The following GPC6 variants were observed in gnomAD, a reference collection of about 807,000 sequenced individuals.
The protein encoded by GPC6 is glypican-6.
GPC6 carries 14 observed loss-of-function variants against 55.2 expected under a neutral mutation model. The observed-to-expected ratio is 0.25, with a 90% confidence interval of 0.17 to 0.40. GPC6 has a LOEUF of 0.40. GPC6 is among the 10% of genes least tolerant of loss of function. The pLI, the probability that GPC6 is intolerant of heterozygous loss-of-function variation, is 1.00. For synonymous variants in GPC6, 278 were observed against 259.6 expected, an observed-to-expected ratio of 1.07 and a Z score of -0.68; for missense variants, 641 against 708.5, an observed-to-expected ratio of 0.90 and a Z score of 1.08.
intron 2 of GPC6, among the ~76,000 whole-genome samples, chr13:93,810,872 A>G (rs1432571411): frequency 6.6e-6 from 1 of 152,182 alleles, no homozygotes; most frequent in East Asian, 1.9e-4. Context: ...TTACTTACAT[A>G]GTTTTGATAA....
chr13:93,714,309 T>TTAGG (rs1883175114), intron 2 of GPC6, among the ~76,000 whole-genome samples: 1 of 151,470 alleles, frequency 6.6e-6, no homozygotes. Flanking sequence ...GAAGACATAA[T>TTAGG]CAGCCAACAA....
intron 2 of GPC6, among the ~76,000 whole-genome samples, chr13:93,586,667 G>A (rs1400724154): frequency 6.6e-6 from 1 of 152,102 alleles, no homozygotes; most frequent in East Asian, 1.9e-4. Context: ...AAAACCCTGG[G>A]AGACAACCTA....
chr13:93,508,585 T>C (rs750383315), intron 1 of GPC6, among the ~76,000 whole-genome samples: 1 of 152,248 alleles, frequency 6.6e-6, no homozygotes, highest in Non-Finnish European at 1.5e-5. Context: ...ATTTTACTTA[T>C]GTATTAACAA....
At chr13:93,861,617 G>A (rs377700675) in intron 3 of GPC6, among the ~76,000 whole-genome samples, 1 of 151,504 alleles carries the variant, frequency 6.6e-6, no homozygotes, top group East Asian at 2.0e-4. Context: ...ACCCTTGAAA[G>A]GTTTTGCTTT....
At chr13:93,931,473 G>T (rs1399380367) in intron 3 of GPC6, among the ~76,000 whole-genome samples, 1 of 151,266 alleles carries the variant, frequency 6.6e-6, no homozygotes, top group Non-Finnish European at 1.5e-5. Context: ...AGATCAGAAG[G>T]TGGGCCAGGC....
chr13:93,967,799 C>A (rs571260025), intron 3 of GPC6, among the ~76,000 whole-genome samples: 1 of 152,276 alleles, frequency 6.6e-6, no homozygotes, highest in Admixed American at 6.5e-5. Context: ...TTCTTACTCT[C>A]TTTACCAACG....
At chr13:93,542,270 C>T (rs373662385) in intron 1 of GPC6, among the ~76,000 whole-genome samples, 6 of 152,026 alleles carry the variant, frequency 3.9e-5, no homozygotes, top group Non-Finnish European at 8.8e-5. Context: ...GCACCATTTA[C>T]TAAATAGGGA....
chr13:93,581,782 C>T (rs1876947704), intron 2 of GPC6, among the ~76,000 whole-genome samples: 1 of 152,152 alleles, frequency 6.6e-6, no homozygotes, highest in South Asian at 2.1e-4. Context: ...TGTGGAGAGC[C>T]ACGACAATTG....
intron 6 of GPC6, among the ~76,000 whole-genome samples, chr13:94,309,016 T>C (rs1876100996): frequency 1.3e-5 from 2 of 152,228 alleles, no homozygotes; most frequent in African/African-American, 4.8e-5. Context: ...GATGGGCCTG[T>C]CATCCATTAC....
chr13:93,768,668 G>A (rs910698482), intron 2 of GPC6, among the ~76,000 whole-genome samples: 7 of 152,154 alleles, frequency 4.6e-5, no homozygotes, highest in South Asian at 2.1e-4. Flanking sequence ...TTATGATCGC[G>A]TGCAGTGATG....
intron 3 of GPC6, among the ~76,000 whole-genome samples, chr13:93,869,453 C>G (rs1594540560): frequency 6.6e-6 from 1 of 151,870 alleles, no homozygotes; most frequent in Admixed American, 6.6e-5. Context: ...CAAAAATCCT[C>G]TGCTAACATG....
chr13:93,853,187 G>A (rs1292613685), intron 3 of GPC6, among the ~76,000 whole-genome samples: 1 of 151,594 alleles, frequency 6.6e-6, no homozygotes, highest in Non-Finnish European at 1.5e-5. Flanking sequence ...TAAAAATTCA[G>A]CCAGGCTCCA....
At chr13:93,834,226 C>T (rs1331002201) in intron 3 of GPC6, among the ~76,000 whole-genome samples, 4 of 152,052 alleles carry the variant, frequency 2.6e-5, no homozygotes, top group East Asian at 3.9e-4. Context: ...AAAGTAGAAA[C>T]GTCACAAATG....
chr13:93,682,372 G>A (rs556010936), intron 2 of GPC6, among the ~76,000 whole-genome samples: 11 of 152,288 alleles, frequency 7.2e-5, no homozygotes, highest in African/African-American at 2.4e-4. Context: ...CCCCCATCCA[G>A]CCATGAGTGC....
chr13:93,646,105 G>A (rs1417752083), intron 2 of GPC6, among the ~76,000 whole-genome samples: 1 of 151,986 alleles, frequency 6.6e-6, no homozygotes, highest in Admixed American at 6.6e-5. Flanking sequence ...TCTATCACTA[G>A]TATATAATTC....
intron 4 of GPC6, among the ~76,000 whole-genome samples, chr13:94,206,419 G>A (rs867984375): frequency 2.0e-5 from 3 of 152,070 alleles, no homozygotes; most frequent in Non-Finnish European, 4.4e-5. Flanking sequence ...CTTCAGTAGT[G>A]TTCGTTTAAT....
chr13:93,342,695 A>G (rs917196254), intron 1 of GPC6, among the ~76,000 whole-genome samples: 11 of 152,098 alleles, frequency 7.2e-5, no homozygotes, highest in African/African-American at 2.7e-4. Context: ...AAGAGAAATG[A>G]GTGGATTTGA....
At chr13:93,405,890 T>G (rs1159358737) in intron 1 of GPC6, among the ~76,000 whole-genome samples, 3 of 152,194 alleles carry the variant, frequency 2.0e-5, no homozygotes, top group Admixed American at 2.0e-4. Flanking sequence ...TTCATGCAGC[T>G]GCATTCAGCC....
At chr13:93,757,504 G>A (rs912748275) in intron 2 of GPC6, among the ~76,000 whole-genome samples, 4 of 152,072 alleles carry the variant, frequency 2.6e-5, no homozygotes, top group African/African-American at 4.8e-5. Flanking sequence ...GAGAAGCAGT[G>A]GACACTTCTA....
Sources: gnomAD v4.1 joint callset for allele counts (sites outside exome capture counted in the v4.1 genomes callset) on GRCh38, gnomAD v4.1.1 for gene constraint, MANE v1.5 for transcripts, NCBI Gene and HGNC (gene_info 2026-07-23, HGNC 2026-07-21) for gene names.